Variants in PRRC1 observed in about 807,000 individuals in gnomAD.
PRRC1 encodes proline rich coiled-coil 1, also known as protein PRRC1.
A neutral mutation model predicts 40.7 loss-of-function variants in PRRC1; 39 were observed. That is an observed-to-expected ratio of 0.96 (90% CI 0.74 to 1.25). PRRC1 has a LOEUF of 1.25. Ranked by LOEUF, PRRC1 falls within the 50% of genes most tolerant of loss-of-function variation. The pLI is 0.00. For missense variants in PRRC1, 573 were observed against 548.3 expected (o/e 1.05, Z -0.45); for synonymous variants, 175 against 193.3 (o/e 0.91, Z 0.79).
At position 127,552,208 on chromosome 5, in the gene PRRC1, A is replaced by G; in HGVS notation, c.*292A>G. ...TACCAGATTTATAAGGTGGAAATTC[A>G]TGTGCAGAGACATTTAACTTAATGC... On this transcript the variant is annotated 3_prime_UTR_variant, in exon 9 of 9. Transcript: ENST00000296666. The G allele has an allele frequency of 8.8e-7, 1 of 1,136,732 alleles. No homozygotes were observed. The highest frequency in any genetic ancestry group is 2.8e-5 in the South Asian group (1 of 35,680). 70.4% of individuals were successfully genotyped at this position (1,136,732 alleles called of 1,614,324 possible).
At chr5:127,544,586 G>A (rs542394955) in intron 7 of PRRC1, among the ~76,000 whole-genome samples, 46 of 152,342 alleles carry the variant, frequency 3.0e-4, no homozygotes, top group African/African-American at 1.0e-3. Flanking sequence ...GGGCAATGGC[G>A]GGCGCCCCTC....
chr5:127,544,731 G>C (rs1290985144), intron 7 of PRRC1, among the ~76,000 whole-genome samples: 1 of 152,194 alleles, frequency 6.6e-6, no homozygotes, highest in Non-Finnish European at 1.5e-5. Context: ...AAGCCTGTTG[G>C]AAAAGCACAG....
intron 6 of PRRC1, among the ~76,000 whole-genome samples, chr5:127,538,024 T>G (rs1767942367): frequency 6.6e-6 from 1 of 152,004 alleles, no homozygotes; most frequent in South Asian, 2.1e-4. Flanking sequence ...ATTGAACACC[T>G]ATTAAGTTAG....
In PRRC1 at chr5:127,553,959, C is replaced by T. The variant is rs954166710; in HGVS notation, c.*2043C>T. On this transcript the variant is annotated 3_prime_UTR_variant, in exon 9 of 9. Coordinates refer to ENST00000296666, the MANE Select transcript of PRRC1 (RefSeq NM_130809.5). Reference sequence around the variant, plus strand: ...CAGATGGAAGAGAGAAATACATGAACTGCTCTGGCCTCTCTGGTTCTGTTC... The same window carrying T: ...CAGATGGAAGAGAGAAATACATGAATTGCTCTGGCCTCTCTGGTTCTGTTC... 2.0e-6 allele frequency: 3 copies of T among 1,500,108 alleles called. No individual in the cohort carries two copies. Among genetic ancestry groups the T allele is most frequent in the Non-Finnish European group, 1.8e-6 (2 of 1,121,096 alleles). The allele number at this position is 1,500,108 out of a possible 1,614,324, so 92.9% of individuals were successfully genotyped here.
At chr5:127,522,827 G>C (rs530419951) in intron 1 of PRRC1, among the ~76,000 whole-genome samples, 1 of 152,096 alleles carries the variant, frequency 6.6e-6, no homozygotes, top group East Asian at 1.9e-4. Flanking sequence ...CTGGAGTGCA[G>C]TGGTGCAGTC....
intron 7 of PRRC1, among the ~76,000 whole-genome samples, chr5:127,540,115 T>C (rs758237399): frequency 6.6e-6 from 1 of 152,098 alleles, no homozygotes; most frequent in Non-Finnish European, 1.5e-5. Flanking sequence ...GAAGGTTTGT[T>C]GGATGGGAAA....
At chr5:127,528,353 C>A (rs1210880618) in intron 4 of PRRC1, among the ~76,000 whole-genome samples, 2 of 151,996 alleles carry the variant, frequency 1.3e-5, no homozygotes, top group Admixed American at 6.6e-5. Flanking sequence ...TCGCTCTTGT[C>A]GCCCAGGCTG....
intron 2 of PRRC1, 106 bp downstream of exon 2, chr5:127,523,688 A>G: frequency 3.7e-6 from 2 of 538,962 alleles, no homozygotes; most frequent in South Asian, 5.3e-5. Context: ...AAACTTCTCT[A>G]TTATTTTTCA....
chr5:127,524,630 C>T lies in PRRC1; in HGVS notation c.203C>T (p.Pro68Leu). ...TPQPPLPPVR[P>L]SAPLPFVPPP... ...CAGCCGCCCCTTCCTCCTGTGAGGC[C>T]TTCAGCACCATTACCTTTTGTGCCT... The change falls in exon 3 of 9, where the codon CCT becomes CTT. Residue 68 changes from proline (P) to leucine (L), a missense_variant. Physicochemically the swap from Pro to Leu is moderately conservative, Grantham distance 98. Coordinates refer to ENST00000296666, the MANE Select transcript of PRRC1 (RefSeq NM_130809.5). 1 of 1,614,174 alleles carries T rather than the reference C, an allele frequency of 6.2e-7. No homozygotes were observed. The highest frequency in any genetic ancestry group is 1.1e-5 in the South Asian group (1 of 91,074).
intron 7 of PRRC1, among the ~76,000 whole-genome samples, chr5:127,539,479 C>T (rs142220868): frequency 1.1e-3 from 167 of 152,080 alleles, no homozygotes; most frequent in African/African-American, 3.6e-3. Flanking sequence ...TATTCAAAGT[C>T]GTGGAATATA....
chr5:127,525,155 C>T lies in PRRC1; in HGVS notation c.493+235C>T, dbSNP rs545872422. Among the ~76,000 whole-genome samples the T allele has an allele frequency of 5.3e-5, 8 of 152,266 alleles. No homozygotes were observed. The South Asian group carries it at 1.7e-3, about 32-fold the overall frequency. ...TTTTAGCAGTCAGCCCCTACTGTCC[C>T]CCAAATCCTCACAGCTCTAGGCAAC... On this transcript the variant is annotated intron_variant, in intron 3 of 8. Coordinates refer to ENST00000296666, the MANE Select transcript of PRRC1 (RefSeq NM_130809.5).
intron 1 of PRRC1, among the ~76,000 whole-genome samples, chr5:127,522,963 C>G (rs73333162): frequency 0.026 from 3,912 of 151,830 alleles, 167 homozygotes; most frequent in African/African-American, 0.089. Context: ...TTAATAATGA[C>G]TGAAATTTAT....
intron 6 of PRRC1, among the ~76,000 whole-genome samples, chr5:127,534,271 C>T (rs1767842056): frequency 6.6e-6 from 1 of 152,020 alleles, no homozygotes; most frequent in African/African-American, 2.4e-5. Flanking sequence ...TCTTTCTCAC[C>T]TTGAAAAAAA....
chr5:127,551,118 A>G (rs2127120580), intron 8 of PRRC1: 1 of 160,894 alleles, frequency 6.2e-6, no homozygotes. Flanking sequence ...CAGAAAAACC[A>G]CATCAGTCTT....
chr5:127,526,577 T>C (rs756496558), intron 3 of PRRC1, 41 bp from the exon 4 acceptor site: 7 of 1,504,610 alleles, frequency 4.7e-6, no homozygotes, highest in African/African-American at 1.4e-5. Flanking sequence ...AAAAAGTTTA[T>C]GGAATAAATT....
intron 5 of PRRC1, among the ~76,000 whole-genome samples, chr5:127,531,950 A>AG (rs1767784709): frequency 6.6e-6 from 1 of 152,152 alleles, no homozygotes; most frequent in African/African-American, 2.4e-5. Flanking sequence ...GAAAAAAGAA[A>AG]GGTACAGAAA....
intron 4 of PRRC1, 67 bp downstream of exon 4, chr5:127,526,845 A>G: frequency 7.8e-7 from 1 of 1,275,674 alleles, no homozygotes; most frequent in Non-Finnish European, 1.0e-6. Context: ...CATTAGAGAA[A>G]ATATTGAAAA....
chr5:127,528,188 C>T (rs1182732189), intron 4 of PRRC1, among the ~76,000 whole-genome samples: 6 of 151,958 alleles, frequency 3.9e-5, no homozygotes, highest in African/African-American at 1.5e-4. Context: ...TTTCTATATG[C>T]TCTCATATGT....
intron 5 of PRRC1, among the ~76,000 whole-genome samples, chr5:127,532,544 A>G (rs1767803678): frequency 6.6e-6 from 1 of 152,328 alleles, no homozygotes; most frequent in East Asian, 1.9e-4. Context: ...CTGAAGCTTA[A>G]TGGAGCAGTA....
Sources: gnomAD v4.1 joint callset for allele counts (sites outside exome capture counted in the v4.1 genomes callset) on GRCh38, gnomAD v4.1.1 for gene constraint, MANE v1.5 for transcripts, NCBI Gene and HGNC (gene_info 2026-07-23, HGNC 2026-07-21) for gene names.